The following SMPD3 variants were observed in gnomAD, a reference collection of about 807,000 sequenced individuals.
SMPD3 encodes the protein sphingomyelin phosphodiesterase 3.
Under a neutral mutation model 55.7 loss-of-function variants are expected in SMPD3, and 21 were observed. The observed-to-expected ratio is 0.38, with a 90% CI of 0.27 to 0.54. The LOEUF is 0.54. Among genes scored for constraint, SMPD3 ranks in the 20% least tolerant of loss-of-function variants. The pLI is 0.80. For synonymous variants in SMPD3, 457 were observed against 404.3 expected (o/e 1.13, Z -1.56); for missense variants, 842 against 899.6 (o/e 0.94, Z 0.82).
At chr16:68,436,283 G>A (rs2090522386) in intron 1 of SMPD3, among the ~76,000 whole-genome samples, 1 of 152,124 alleles carries the variant, frequency 6.6e-6, no homozygotes, top group African/African-American at 2.4e-5. Flanking sequence ...CCCCTTCTAT[G>A]TGTGTTGATA....
chr16:68,437,512 T>A (rs1407899669), intron 1 of SMPD3, among the ~76,000 whole-genome samples: 4 of 152,246 alleles, frequency 2.6e-5, no homozygotes, highest in Non-Finnish European at 5.9e-5. Context: ...TTGTCAAAAT[T>A]GTTGTGGCCT....
rs898430718 is a variant in SMPD3, at chr16:68,359,135, T to G, written c.*2071A>C. On this transcript the variant is annotated 3_prime_UTR_variant, in exon 9 of 9. Coordinates refer to ENST00000219334, the MANE Select transcript of SMPD3 (RefSeq NM_018667.4). ...TGGGTGGGGAAGCTATGTTGGGGTC[T>G]GGTGTGGGGGCCCTGCCCGGGCCTC... The G allele has an allele frequency of 6.6e-6, 1 of 152,410 alleles. No individual in the cohort carries two copies. Among genetic ancestry groups the G allele is most frequent in the African/African-American group, 2.4e-5 (1 of 41,444 alleles). 9.4% of individuals were successfully genotyped at this position (152,410 alleles called of 1,614,324 possible). A position where few individuals can be genotyped will look rare whatever the true frequency, so the allele number is the denominator to read the frequency against.
intron 1 of SMPD3, among the ~76,000 whole-genome samples, chr16:68,409,610 T>C (rs560210359): frequency 2.0e-5 from 3 of 152,336 alleles, no homozygotes; most frequent in Non-Finnish European, 2.9e-5. Context: ...TTGGTTTTTT[T>C]TGAGACGGAG....
chr16:68,390,435 C>A (rs1289978275), intron 1 of SMPD3, among the ~76,000 whole-genome samples: 1 of 152,152 alleles, frequency 6.6e-6, no homozygotes, highest in East Asian at 1.9e-4. Context: ...CTTAGGCAGG[C>A]AGATCTCTTG....
intron 1 of SMPD3, among the ~76,000 whole-genome samples, chr16:68,421,672 T>C (rs993298004): frequency 1.3e-5 from 2 of 152,226 alleles, no homozygotes; most frequent in Non-Finnish European, 2.9e-5. Context: ...TGAGGCCTGA[T>C]ACTCATAGCT....
chr16:68,361,831 A>T, intron 7 of SMPD3, 72 bp from the exon 8 acceptor site: 12 of 1,431,734 alleles, frequency 8.4e-6, no homozygotes, highest in African/African-American at 1.4e-5. Flanking sequence ...CTGTGTGTGG[A>T]GCCATGGTCT....
intron 1 of SMPD3, among the ~76,000 whole-genome samples, chr16:68,396,592 G>C (rs980861512): frequency 1.3e-5 from 2 of 152,008 alleles, no homozygotes; most frequent in African/African-American, 4.8e-5. Flanking sequence ...TGGCAGCGTA[G>C]AGCCCCCTGA....
At chr16:68,409,512 AC>A in intron 1 of SMPD3, among the ~76,000 whole-genome samples, 1 of 152,294 alleles carries the variant, frequency 6.6e-6, no homozygotes, top group African/African-American at 2.4e-5. Flanking sequence ...CCTAAATAAC[AC>A]GAGGTGAAGG....
intron 1 of SMPD3, among the ~76,000 whole-genome samples, chr16:68,445,106 C>T (rs571798302): frequency 3.3e-5 from 5 of 152,328 alleles, no homozygotes; most frequent in Admixed American, 1.3e-4. Context: ...GTCATTAGGC[C>T]TGGAAAGCCG....
chr16:68,379,623 C>T (rs951325763), intron 2 of SMPD3, among the ~76,000 whole-genome samples: 2 of 152,196 alleles, frequency 1.3e-5, no homozygotes, highest in African/African-American at 4.8e-5. Flanking sequence ...TCAGGGCCTC[C>T]GTCTCCTCGC....
Position 68,371,283 on chromosome 16 carries a change from T to A in SMPD3, c.899A>T (p.Glu300Val). 6.2e-7 allele frequency: 1 copy of A among 1,604,672 alleles called. No individual in the cohort carries two copies. ...CCCAGCTCGCCCCTTCACCAGGGAC[T>A]CCCGGGAGGCCGAGGGGCTGCCCAG... ...GSLGSPSASR[E>V]SLVKGRAGPD... Residue 300 changes from glutamate (E) to valine (V), a missense_variant, in exon 3 of 9, where the codon GAG becomes GTG. Glu to Val is a moderately radical substitution (Grantham distance 121). Around this residue, in one of 2 missense-constraint regions of SMPD3, gnomAD observed 649 missense variants for 643.6 expected, o/e 1.01. Transcript: ENST00000219334.
chr16:68,361,693 C>A lies in SMPD3; in HGVS notation c.1776G>T (p.Gln592His), dbSNP rs879004023. The A allele has an allele frequency of 1.9e-6, 3 of 1,613,124 alleles. No individual in the cohort carries two copies. Among genetic ancestry groups the A allele is most frequent in the Non-Finnish European group, 2.5e-6 (3 of 1,179,978 alleles). ...LAFPTSKSSG[Q>H]KGRKELLKGN... The stretch of plus-strand genomic sequence containing the variant: ...CCTTCAGCAGCTCCTTCCGCCCCTT[C>A]TGGCCCGAGCTCTTGCTGGTGGGAA... The change falls in exon 8 of 9, where the codon CAG (glutamine) becomes CAT (histidine). Residue 592 changes from glutamine (Q) to histidine (H), a missense_variant. Physicochemically the swap from Gln to His is conservative, Grantham distance 24. This residue lies in a region of SMPD3 where 649 missense variants were observed against 643.6 expected (regional missense o/e 1.01). Transcript: ENST00000219334.
At chr16:68,446,635 G>A (rs751316011) in intron 1 of SMPD3, among the ~76,000 whole-genome samples, 1 of 152,076 alleles carries the variant, frequency 6.6e-6, no homozygotes, top group Non-Finnish European at 1.5e-5. Context: ...CATCATCCAT[G>A]CAAACCCTCA....
chr16:68,399,606 C>T (rs2090189711), intron 1 of SMPD3, among the ~76,000 whole-genome samples: 1 of 152,140 alleles, frequency 6.6e-6, no homozygotes, highest in African/African-American at 2.4e-5. Flanking sequence ...GGCCCAGGCT[C>T]CCTAGAGGCA....
At chr16:68,407,351 A>G (rs2090262733) in intron 1 of SMPD3, among the ~76,000 whole-genome samples, 1 of 152,238 alleles carries the variant, frequency 6.6e-6, no homozygotes. Context: ...TTCCTGGAAA[A>G]GAATAATTTA....
At chr16:68,438,894 T>C (rs1250177522) in intron 1 of SMPD3, among the ~76,000 whole-genome samples, 1 of 152,180 alleles carries the variant, frequency 6.6e-6, no homozygotes, top group Admixed American at 6.5e-5. Context: ...ATTGCCTGGG[T>C]TGGGGTCCTG....
chr16:68,424,736 G>A (rs754759202), intron 1 of SMPD3, among the ~76,000 whole-genome samples: 1 of 151,248 alleles, frequency 6.6e-6, no homozygotes, highest in African/African-American at 2.4e-5. Context: ...TTTGAGATGG[G>A]GTCTCACTCT....
At chr16:68,366,783 G>A (rs1208448500) in intron 3 of SMPD3, among the ~76,000 whole-genome samples, 1 of 152,158 alleles carries the variant, frequency 6.6e-6, no homozygotes, top group Non-Finnish European at 1.5e-5. Flanking sequence ...GTTGAGGCAG[G>A]CAGATCACAA....
At chr16:68,363,633 G>T in intron 6 of SMPD3, 74 bp from the exon 7 acceptor site, 1 of 1,472,028 alleles carries the variant, frequency 6.8e-7, no homozygotes, top group Non-Finnish European at 9.4e-7. Context: ...GGCCTCTGTG[G>T]GTGGACACGG....
Sources: allele counts gnomAD v4.1 joint callset (sites outside exome capture counted in the v4.1 genomes callset), GRCh38; gene constraint gnomAD v4.1.1; regional missense constraint gnomAD v4.1.1; transcripts MANE v1.5; gene names NCBI Gene and HGNC (gene_info 2026-07-23, HGNC 2026-07-21).